Variants in NBPF14 observed in about 807,000 individuals in gnomAD.
NBPF14 encodes the protein NBPF family member NBPF14.
NBPF14 carries 104 observed loss-of-function variants against 91.2 expected under a neutral mutation model. The observed-to-expected ratio is 1.14, with a 90% CI of 0.97 to 1.34. The LOEUF (loss-of-function observed/expected upper bound fraction) is 1.34, where lower values mean the gene tolerates loss of function less well. NBPF14 is among the 40% of genes most tolerant of loss of function. NBPF14 has a pLI of 0.00. For synonymous variants in NBPF14, 294 were observed against 303.8 expected, an observed-to-expected ratio of 0.97 and a Z score of 0.34; for missense variants, 908 against 783.0, an observed-to-expected ratio of 1.16 and a Z score of -1.91.
chr1:148,595,348 T>G (rs1663149180), intron 2 of NBPF14, among the ~76,000 whole-genome samples, 195 bp downstream of exon 2: 2 of 148,446 alleles, frequency 1.3e-5, no homozygotes, highest in Non-Finnish European at 3.0e-5. Flanking sequence ...CCCATCTGAT[T>G]GCAAACATGG....
At chr1:148,572,733 A>T in intron 20 of NBPF14, 118 bp from the exon 21 acceptor site, 1 of 595,764 alleles carries the variant, frequency 1.7e-6, no homozygotes, top group South Asian at 1.6e-5. Flanking sequence ...CAGATCCATT[A>T]ATGAGGTAAC....
At chr1:148,561,817 A>G (rs1440479840) in intron 34 of NBPF14, among the ~76,000 whole-genome samples, 3 of 136,646 alleles carry the variant, frequency 2.2e-5, no homozygotes, top group East Asian at 2.1e-4. Context: ...ACACACACAC[A>G]CAGAGAGAGA....
At chr1:148,559,682 C>T (rs1265137283) in intron 37 of NBPF14, 111 bp downstream of exon 37, 9 of 667,748 alleles carry the variant, frequency 1.3e-5, no homozygotes, top group East Asian at 1.2e-4. Context: ...CCTATAGGTC[C>T]TCCCTGTGGC....
At chr1:148,539,262 T>A in intron 63 of NBPF14, 148 bp downstream of exon 63, 1 of 610,714 alleles carries the variant, frequency 1.6e-6, no homozygotes, top group Non-Finnish European at 2.9e-6. Context: ...CAACTGAGAC[T>A]ACAGTTTCTT....
At chr1:148,535,053 A>AGG (rs1166234362) in intron 68 of NBPF14, among the ~76,000 whole-genome samples, 197 bp from the exon 69 acceptor site, 1 of 146,654 alleles carries the variant, frequency 6.8e-6, no homozygotes, top group Non-Finnish European at 1.5e-5. Flanking sequence ...AGACAGGGAG[A>AGG]GGGAGAGAGA....
intron 12 of NBPF14, among the ~76,000 whole-genome samples, chr1:148,581,508 C>G (rs1367454294): frequency 1.3e-5 from 2 of 151,734 alleles, no homozygotes; most frequent in Non-Finnish European, 2.9e-5. Context: ...TCCACATCCT[C>G]TCCAGCACCT....
At chr1:148,542,137 C>A (rs1418807210) in intron 59 of NBPF14, among the ~76,000 whole-genome samples, 1 of 105,138 alleles carries the variant, frequency 9.5e-6, no homozygotes, top group Admixed American at 8.4e-5. Context: ...CATATACCCT[C>A]AAATGATTTC....
chr1:148,535,419 A>G, intron 68 of NBPF14, 34 bp downstream of exon 68: 4 of 505,304 alleles, frequency 7.9e-6, no homozygotes, highest in Admixed American at 6.7e-5. Context: ...AGGTGTCAAC[A>G]CAGAATTAAG....
chr1:148,579,791 G>C (rs1396930896), intron 12 of NBPF14, among the ~76,000 whole-genome samples: 2 of 152,260 alleles, frequency 1.3e-5, no homozygotes, highest in African/African-American at 4.8e-5. Flanking sequence ...GCAACACCAA[G>C]AAATCCCTGT....
At chr1:148,560,311 C>T (rs1657601252) in intron 36 of NBPF14, among the ~76,000 whole-genome samples, 105 of 131,874 alleles carry the variant, frequency 8.0e-4, no homozygotes, top group Non-Finnish European at 1.3e-3. Flanking sequence ...AGAGTGAGCT[C>T]AATAGTTTTC....
At chr1:148,562,136 T>G (rs1657946658) in intron 34 of NBPF14, 100 bp downstream of exon 34, 8 of 205,152 alleles carry the variant, frequency 3.9e-5, no homozygotes, top group South Asian at 1.5e-4. Context: ...CAGGCTTGGT[T>G]GAAAAGATGT....
chr1:148,578,134 G>C, intron 13 of NBPF14, 100 bp from the exon 14 acceptor site: 1 of 729,716 alleles, frequency 1.4e-6, no homozygotes, highest in East Asian at 2.5e-5. Context: ...AGTCTTGTCA[G>C]TGTGAGAACA....
chr1:148,557,650 A>T lies in NBPF14; in HGVS notation c.4955-108T>A, dbSNP rs1327058315. The T allele has an allele frequency of 7.7e-5, 47 of 607,434 alleles. 6 individuals carry two copies. Among genetic ancestry groups the T allele is most frequent in the South Asian group, 6.7e-4 (38 of 56,808 alleles). 37.6% of individuals were successfully genotyped at this position (607,434 alleles called of 1,614,324 possible). On this transcript the variant is annotated intron_variant, in intron 39 of 70. Transcript: ENST00000619423. ...GGATCTCAGGCTCCTCAGCATGAGA[A>T]CAGGACCATGTGAGAGATATACTTC...
At chr1:148,579,306 A>C in intron 12 of NBPF14, 69 bp from the exon 13 acceptor site, 1 of 211,736 alleles carries the variant, frequency 4.7e-6, no homozygotes, top group South Asian at 2.8e-5. Context: ...AAAACCTCCC[A>C]GATGATCTGA....
chr1:148,587,519 G>T (rs1272915935), intron 7 of NBPF14, 116 bp from the exon 8 acceptor site: 6 of 1,103,238 alleles, frequency 5.4e-6, no homozygotes, highest in African/African-American at 1.6e-5. Context: ...CAGTACCAGG[G>T]TCTAGACAGG....
Position 148,589,292 on chromosome 1 carries a change from TC to T in NBPF14, c.879del (p.Lys294AsnfsTer22). 9.3e-6 allele frequency: 1 copy of T among 107,270 alleles called. No individual in the cohort carries two copies. Among genetic ancestry groups the T allele is most frequent in the South Asian group, 5.3e-5 (1 of 18,862 alleles). 6.6% of individuals were successfully genotyped at this position (107,270 alleles called of 1,614,324 possible). On this transcript the variant is annotated frameshift_variant, in exon 7 of 71. Transcript: ENST00000619423. LOFTEE classifies it high-confidence loss of function. ...TTCTCTGCCAGCTGGGGGCGCAATT[TC>T]TCATTGATTTCTAGAATGTTCATCT...
intron 6 of NBPF14, among the ~76,000 whole-genome samples, chr1:148,590,158 T>C (rs1662240487): frequency 1.4e-5 from 2 of 139,050 alleles, no homozygotes; most frequent in Non-Finnish European, 3.2e-5. Context: ...ATGCCAATTC[T>C]CCTGCCTCAG....
chr1:148,559,621 C>A lies in NBPF14; in HGVS notation c.4729+172G>T, dbSNP rs1423243659. Among the ~76,000 whole-genome samples, 7 of 125,104 alleles carry A rather than the reference C, an allele frequency of 5.6e-5. 1 individual carries two copies. Among genetic ancestry groups the A allele is most frequent in the African/African-American group, 8.4e-5 (2 of 23,794 alleles). The allele number at this position is 125,104 out of a possible 152,430, so 82.1% of individuals were successfully genotyped here. A position where few individuals can be genotyped will look rare whatever the true frequency, so the allele number is the denominator to read the frequency against. On this transcript the variant is annotated intron_variant, in intron 37 of 70. Coordinates refer to ENST00000619423, the Ensembl canonical transcript of NBPF14. ...AAGAGAGCCTTGCTCACTGACCCATCCCTTGTCTGGGCTTCCAAGTGGAAC... is the reference window on the plus strand; with the variant it reads ...AAGAGAGCCTTGCTCACTGACCCATACCTTGTCTGGGCTTCCAAGTGGAAC...
rs1232751542 is a variant in NBPF14 at position 148,539,322 on chromosome 1, G to A, written c.7882+88C>T. The A allele has an allele frequency of 2.7e-5, 16 of 588,072 alleles. 1 individual carries two copies. The highest frequency in any genetic ancestry group is 2.0e-4 in the Admixed American group (9 of 44,770). 36.4% of individuals were successfully genotyped at this position (588,072 alleles called of 1,614,324 possible). A position where few individuals can be genotyped will look rare whatever the true frequency, so the allele number is the denominator to read the frequency against. ...CCTGACTGCGGCAATGACGTCTCTC[G>A]GGTCAGTAAGGGGCACTTGGAACAG... On this transcript the variant is annotated intron_variant, in intron 63 of 70. Transcript: ENST00000619423.
Sources: allele counts gnomAD v4.1 joint callset (sites outside exome capture counted in the v4.1 genomes callset), GRCh38; gene constraint gnomAD v4.1.1; transcripts MANE v1.5; gene names NCBI Gene and HGNC (gene_info 2026-07-23, HGNC 2026-07-21).